Variants in DAB1 observed in about 807,000 individuals in gnomAD.
DAB1 encodes DAB adaptor protein 1, also known as disabled homolog 1.
Under a neutral mutation model 64.6 loss-of-function variants are expected in DAB1, and 15 were observed. That is an observed-to-expected ratio of 0.23 (90% confidence interval 0.16 to 0.36). The LOEUF (loss-of-function observed/expected upper bound fraction) is 0.36, where lower values mean the gene tolerates loss of function less well. Among genes scored for constraint, DAB1 ranks in the 10% least tolerant of loss-of-function variants. DAB1 has a pLI of 1.00. For synonymous variants in DAB1, 235 were observed against 251.9 expected, an observed-to-expected ratio of 0.93 and a Z score of 0.64; for missense variants, 596 against 706.7, an observed-to-expected ratio of 0.84 and a Z score of 1.78.
rs556729525 is a variant in DAB1 at position 57,410,394 on chromosome 1, G to A, written c.-137+13536C>T. Among the ~76,000 whole-genome samples, 20 of 152,316 alleles carry A rather than the reference G, an allele frequency of 1.3e-4. No individual in the cohort carries two copies. In the East Asian group the frequency reaches 3.3e-3, roughly 25 times the overall value. ...AGCCTTCAGAAACTCTCAATCTTTA[G>A]AGGAACCTAGATCAATAGATGTGGA... On this transcript the variant is annotated intron_variant, in intron 1 of 14. Coordinates refer to ENST00000371236, the MANE Select transcript of DAB1 (RefSeq NM_001365792.1).
intron 7 of DAB1, among the ~76,000 whole-genome samples, chr1:57,576,242 T>C (rs1017277474): frequency 6.6e-6 from 1 of 152,180 alleles, no homozygotes; most frequent in Non-Finnish European, 1.5e-5. Flanking sequence ...ACACATAAGG[T>C]AGACCAGGCT....
intron 12 of DAB1, 116 bp from the exon 13 acceptor site, chr1:57,011,388 T>G: frequency 8.3e-7 from 1 of 1,211,556 alleles, no homozygotes; most frequent in Non-Finnish European, 1.2e-6. Flanking sequence ...TTCCTCTTCC[T>G]ATTTCCAGTG....
At chr1:57,011,421 C>T (rs1386965098) in intron 12 of DAB1, 149 bp from the exon 13 acceptor site, 1 of 977,800 alleles carries the variant, frequency 1.0e-6, no homozygotes, top group Non-Finnish European at 1.5e-6. Context: ...TATTTGAATT[C>T]TCTCTCTGTA....
chr1:57,756,998 T>G lies in DAB1; in HGVS notation n.552-107333A>C, dbSNP rs1648840781. Among the ~76,000 whole-genome samples, 3 of 152,076 alleles carry G rather than the reference T, an allele frequency of 2.0e-5. No individual in the cohort carries two copies. In the South Asian group the frequency reaches 6.2e-4, roughly 32 times the overall value. On this transcript the variant is annotated intron_variant and non_coding_transcript_variant, in intron 6 of 20. Transcript: ENST00000485760. Reference sequence around the variant, plus strand: ...TTGCAATAGCACACAAAAGAGAAGCTGAAGAAGAGAAGGTCATTAATATTT... The same window carrying G: ...TTGCAATAGCACACAAAAGAGAAGCGGAAGAAGAGAAGGTCATTAATATTT...
At chr1:58,196,402 T>C (rs988380292) in intron 4 of DAB1, among the ~76,000 whole-genome samples, 19 of 152,304 alleles carry the variant, frequency 1.2e-4, no homozygotes, top group African/African-American at 4.6e-4. Flanking sequence ...GCTGCTGAAA[T>C]AGTTGGAAAA....
chr1:57,754,541 G>C (rs3131736), intron 6 of DAB1, among the ~76,000 whole-genome samples: 92,958 of 151,492 alleles, frequency 0.61, 28,783 homozygotes, highest in African/African-American at 0.69. Flanking sequence ...CAAAAATTAG[G>C]CGGGCATGGT....
At chr1:57,782,995 CTCCT>C (rs1181403640) in intron 6 of DAB1, among the ~76,000 whole-genome samples, 6 of 143,504 alleles carry the variant, frequency 4.2e-5, no homozygotes, top group East Asian at 2.0e-4. Flanking sequence ...CCCTCCCTCC[CTCCT>C]TCCTTCCTTC....
intron 7 of DAB1, among the ~76,000 whole-genome samples, chr1:57,560,467 A>G: frequency 6.6e-6 from 1 of 152,148 alleles, no homozygotes; most frequent in South Asian, 2.1e-4. Flanking sequence ...GCCTGTTGAG[A>G]TATTATTTCT....
At chr1:58,463,623 T>A (rs965296902) in intron 3 of DAB1, among the ~76,000 whole-genome samples, 1 of 152,228 alleles carries the variant, frequency 6.6e-6, no homozygotes, top group African/African-American at 2.4e-5. Flanking sequence ...AGAGTCTGTG[T>A]GTACATGTAT....
chr1:58,508,824 C>T (rs765068699), intron 2 of DAB1, among the ~76,000 whole-genome samples: 8 of 152,034 alleles, frequency 5.3e-5, no homozygotes, highest in Non-Finnish European at 1.0e-4. Flanking sequence ...ACTCCAGAGC[C>T]CAGCTTCTCC....
rs199893970 is a variant in DAB1 at position 57,071,003 on chromosome 1, C to T, written c.597+20G>A. The T allele has an allele frequency of 1.8e-3, 2,916 of 1,605,534 alleles. 6 individuals are homozygous for T. The highest frequency in any genetic ancestry group is 2.3e-3 in the Non-Finnish European group (2,745 of 1,172,250). On this transcript the variant is annotated intron_variant, in intron 7 of 14. Coordinates refer to ENST00000371236, the MANE Select transcript of DAB1 (RefSeq NM_001365792.1). Reference sequence around the variant, plus strand: ...CTAGTCACTCTTGAATCTAAAACCCCGACTAGTTTCAGAAATTACCTGGTA... The same window carrying T: ...CTAGTCACTCTTGAATCTAAAACCCTGACTAGTTTCAGAAATTACCTGGTA...
At chr1:58,015,775 T>C (rs1646729754) in intron 5 of DAB1, among the ~76,000 whole-genome samples, 1 of 152,178 alleles carries the variant, frequency 6.6e-6, no homozygotes, top group African/African-American at 2.4e-5. Flanking sequence ...TGGTCGGGAT[T>C]GAGAATCACA....
At chr1:57,242,606 T>C (rs957562790) in intron 2 of DAB1, among the ~76,000 whole-genome samples, 4 of 152,208 alleles carry the variant, frequency 2.6e-5, no homozygotes, top group Admixed American at 6.5e-5. Flanking sequence ...ACACAACTCC[T>C]TGGTCTGCAT....
intron 1 of DAB1, among the ~76,000 whole-genome samples, chr1:57,350,956 C>T (rs926381059): frequency 6.6e-6 from 1 of 152,092 alleles, no homozygotes; most frequent in African/African-American, 2.4e-5. Flanking sequence ...GGCCCCTGAC[C>T]TCAAAGGGTT....
intron 1 of DAB1, among the ~76,000 whole-genome samples, chr1:57,841,406 C>G (rs1653041458): frequency 6.6e-6 from 1 of 152,226 alleles, no homozygotes; most frequent in Non-Finnish European, 1.5e-5. Flanking sequence ...CTCCACTAGG[C>G]AGTGCCCCAG....
intron 1 of DAB1, among the ~76,000 whole-genome samples, chr1:57,315,026 A>T (rs1570253526): frequency 6.6e-6 from 1 of 152,164 alleles, no homozygotes; most frequent in South Asian, 2.1e-4. Flanking sequence ...GTTTAACCAA[A>T]TTTTCTCCTG....
chr1:58,300,403 C>A (rs1055431980), intron 4 of DAB1, among the ~76,000 whole-genome samples: 3 of 151,624 alleles, frequency 2.0e-5, no homozygotes. Flanking sequence ...AAAAATTAGC[C>A]AGGCGTAGTG....
upstream of DAB1, among the ~76,000 whole-genome samples, chr1:57,428,243 T>C (rs1186153548): frequency 1.3e-5 from 2 of 152,210 alleles, no homozygotes; most frequent in African/African-American, 2.4e-5. Context: ...GTCACCATGC[T>C]ATACATTAGA....
chr1:57,093,866 C>A (rs917108406), intron 4 of DAB1, among the ~76,000 whole-genome samples: 2 of 152,106 alleles, frequency 1.3e-5, no homozygotes, highest in Non-Finnish European at 2.9e-5. Context: ...ATGATCCCAG[C>A]ACTTTGGGAG....
Sources: gnomAD v4.1 joint callset for allele counts (sites outside exome capture counted in the v4.1 genomes callset) on GRCh38, gnomAD v4.1.1 for gene constraint, MANE v1.5 for transcripts, NCBI Gene and HGNC (gene_info 2026-07-23, HGNC 2026-07-21) for gene names.